The following MIPOL1 variants were observed in gnomAD, a reference collection of about 807,000 sequenced individuals.
MIPOL1 encodes mirror-image polydactyly 1.
Under a neutral mutation model 60.9 loss-of-function variants are expected in MIPOL1, and 57 were observed. The ratio of observed to expected loss-of-function variants is 0.94; its 90% CI spans 0.76 to 1.17. The LOEUF (loss-of-function observed/expected upper bound fraction) is 1.17. MIPOL1 is among the 50% of genes most tolerant of loss of function. The probability of loss-of-function intolerance (pLI) is 0.00; values close to 1 mark genes in which losing one functional copy is unlikely to be tolerated. For synonymous variants in MIPOL1, 179 were observed against 168.8 expected (o/e 1.06, Z -0.47); for missense variants, 551 against 511.6 (o/e 1.08, Z -0.74).
chr14:37,272,221 A>G (rs901471340), intron 6 of MIPOL1, among the ~76,000 whole-genome samples: 1 of 151,658 alleles, frequency 6.6e-6, no homozygotes, highest in African/African-American at 2.4e-5. Context: ...GTTAAAAGAG[A>G]TATGTCCAAC....
At chr14:37,291,889 A>G (rs1344205856) in intron 7 of MIPOL1, among the ~76,000 whole-genome samples, 1 of 144,744 alleles carries the variant, frequency 6.9e-6, no homozygotes, top group Non-Finnish European at 1.5e-5. Context: ...ACTTCTTAAT[A>G]CTATTACATA....
chr14:37,522,266 T>TA, intron 12 of MIPOL1, among the ~76,000 whole-genome samples: 1 of 152,298 alleles, frequency 6.6e-6, no homozygotes, highest in South Asian at 2.1e-4. Context: ...TGTTAAGTGT[T>TA]ACTTTACGCA....
chr14:37,395,810 G>A (rs2093360619), intron 10 of MIPOL1, among the ~76,000 whole-genome samples: 1 of 152,090 alleles, frequency 6.6e-6, no homozygotes, highest in African/African-American at 2.4e-5. Flanking sequence ...GAAGAGTGGT[G>A]AGAATGGGCT....
chr14:37,431,388 T>G (rs2094061190), intron 11 of MIPOL1, among the ~76,000 whole-genome samples: 1 of 152,056 alleles, frequency 6.6e-6, no homozygotes, highest in African/African-American at 2.4e-5. Flanking sequence ...CAAGCTTTTT[T>G]TGCTACTTTG....
chr14:37,387,881 T>G (rs2093118960), intron 10 of MIPOL1, among the ~76,000 whole-genome samples: 1 of 151,732 alleles, frequency 6.6e-6, no homozygotes, highest in Non-Finnish European at 1.5e-5. Context: ...ATGAGAAAAC[T>G]TCTAAGATCC....
At chr14:37,459,009 A>C (rs972340598) in intron 11 of MIPOL1, among the ~76,000 whole-genome samples, 9 of 152,050 alleles carry the variant, frequency 5.9e-5, no homozygotes, top group Non-Finnish European at 1.3e-4. Context: ...GATACAGCAA[A>C]AGCAGTGCTA....
At chr14:37,541,636 C>T (rs539675347) in intron 12 of MIPOL1, among the ~76,000 whole-genome samples, 1 of 152,300 alleles carries the variant, frequency 6.6e-6, no homozygotes, top group South Asian at 2.1e-4. Context: ...AGCCTTTTTC[C>T]TCACTCTATG....
At chr14:37,441,418 G>A (rs1443036237) in intron 11 of MIPOL1, among the ~76,000 whole-genome samples, 2 of 152,044 alleles carry the variant, frequency 1.3e-5, no homozygotes, top group Non-Finnish European at 2.9e-5. Context: ...TTTCTATACG[G>A]TGAGAGATAA....
intron 6 of MIPOL1, among the ~76,000 whole-genome samples, chr14:37,273,915 T>C (rs1423391777): frequency 6.6e-6 from 1 of 151,628 alleles, no homozygotes; most frequent in Non-Finnish European, 1.5e-5. Flanking sequence ...ATTATTTTAT[T>C]GCTTTTACGT....
intron 7 of MIPOL1, among the ~76,000 whole-genome samples, chr14:37,294,665 A>T (rs917573858): frequency 6.6e-6 from 1 of 152,224 alleles, no homozygotes; most frequent in Non-Finnish European, 1.5e-5. Context: ...ATGAATGCAC[A>T]AGCCTCAGTA....
At chr14:37,400,966 T>C (rs2153529749) in intron 10 of MIPOL1, 1 of 152,254 alleles carries the variant, frequency 6.6e-6, no homozygotes, top group African/African-American at 2.4e-5. Flanking sequence ...GTCTTTTTTA[T>C]TTAAAGGAGA....
rs181982324 is a variant in MIPOL1 at position 37,228,651 on chromosome 14, C to A, written c.-198-18452C>A. Among the ~76,000 whole-genome samples, 10 of 152,258 alleles carry A rather than the reference C, an allele frequency of 6.6e-5. No homozygotes were observed. The East Asian group carries it at 1.9e-3, about 29-fold the overall frequency. ...TTTAGGAAGCAAATTATCTTTCTTT[C>A]AACCACTGATACTATCTTTATCTTC... On this transcript the variant is annotated intron_variant, in intron 1 of 12. Transcript: ENST00000684589.
At chr14:37,546,562 T>G (rs2095548223) in intron 12 of MIPOL1, among the ~76,000 whole-genome samples, 1 of 152,200 alleles carries the variant, frequency 6.6e-6, no homozygotes, top group South Asian at 2.1e-4. Context: ...ATCAGTTTAT[T>G]CTACATTTAA....
intron 9 of MIPOL1, among the ~76,000 whole-genome samples, chr14:37,356,260 C>T (rs2091814095): frequency 1.3e-5 from 2 of 151,756 alleles, no homozygotes; most frequent in African/African-American, 2.4e-5. Context: ...GTCAGTCTGC[C>T]AGTTCTCAGA....
chr14:37,288,268 A>G (rs1027360852), intron 7 of MIPOL1, among the ~76,000 whole-genome samples: 3 of 151,950 alleles, frequency 2.0e-5, no homozygotes, highest in African/African-American at 7.3e-5. Context: ...TGACCCCCCA[A>G]AATGCTGGAA....
At chr14:37,318,030 T>G (rs980757949) in intron 9 of MIPOL1, among the ~76,000 whole-genome samples, 2 of 152,184 alleles carry the variant, frequency 1.3e-5, no homozygotes, top group African/African-American at 4.8e-5. Context: ...GCTAGAACTT[T>G]CCTAGCCTGG....
chr14:37,334,123 C>A (rs990986159), intron 9 of MIPOL1, among the ~76,000 whole-genome samples: 1 of 151,976 alleles, frequency 6.6e-6, no homozygotes, highest in Non-Finnish European at 1.5e-5. Context: ...AATATAATAA[C>A]TGAATAATAT....
chr14:37,484,976 T>G (rs1291119632), intron 11 of MIPOL1, among the ~76,000 whole-genome samples: 1 of 152,180 alleles, frequency 6.6e-6, no homozygotes, highest in Non-Finnish European at 1.5e-5. Context: ...GTATTTCTCC[T>G]AATGCTATCC....
At chr14:37,245,786 A>G (rs1973109417) in intron 1 of MIPOL1, among the ~76,000 whole-genome samples, 1 of 152,128 alleles carries the variant, frequency 6.6e-6, no homozygotes, top group Non-Finnish European at 1.5e-5. Context: ...TTTGGGTTTA[A>G]GGCTACTAAT....
Sources: allele counts gnomAD v4.1 joint callset (sites outside exome capture counted in the v4.1 genomes callset), GRCh38; gene constraint gnomAD v4.1.1; transcripts MANE v1.5; gene names NCBI Gene and HGNC (gene_info 2026-07-23, HGNC 2026-07-21).